SFMBT2: variants seen among roughly 807,000 people sequenced by gnomAD.
The protein encoded by SFMBT2 is Scm like with four mbt domains 2.
A neutral mutation model predicts 110.1 loss-of-function variants in SFMBT2; 38 were observed. The observed-to-expected ratio is 0.35, with a 90% CI of 0.27 to 0.45. The LOEUF (loss-of-function observed/expected upper bound fraction) is 0.45. SFMBT2 is among the 20% of genes least tolerant of loss of function. The pLI is 1.00. For missense variants in SFMBT2, 1,011 were observed against 1,094.9 expected (o/e 0.92, Z 1.08); for synonymous variants, 425 against 425.4 (o/e 1.00, Z 0.01).
At chr10:7,222,092 T>C (rs1157577747) in intron 10 of SFMBT2, among the ~76,000 whole-genome samples, 2 of 152,256 alleles carry the variant, frequency 1.3e-5, no homozygotes, top group African/African-American at 2.4e-5. Context: ...GTCATGTAAA[T>C]GGACTCAATA....
chr10:7,237,540 T>G (rs1429117348), intron 9 of SFMBT2, among the ~76,000 whole-genome samples: 1 of 152,076 alleles, frequency 6.6e-6, no homozygotes, highest in Non-Finnish European at 1.5e-5. Context: ...GCATGTAATC[T>G]TTAGGAGGGT....
chr10:7,354,219 T>C (rs1357674737), intron 4 of SFMBT2, among the ~76,000 whole-genome samples: 1 of 152,170 alleles, frequency 6.6e-6, no homozygotes, highest in African/African-American at 2.4e-5. Flanking sequence ...ATCCAATTTC[T>C]CTGCAACAAC....
chr10:7,200,990 C>T (rs376123717), intron 13 of SFMBT2: 4 of 228,988 alleles, frequency 1.7e-5, no homozygotes, highest in East Asian at 1.8e-4. Flanking sequence ...TAAAATGTAA[C>T]ATAGGCTTAT....
In SFMBT2 at chr10:7,266,686, C is replaced by T. The variant is rs993100705; in HGVS notation, c.870+10206G>A. On this transcript the variant is annotated intron_variant, in intron 7 of 20. Coordinates refer to ENST00000397167, the MANE Select transcript of SFMBT2 (RefSeq NM_001387889.1). ...TCAACAGAAGCCCTCTGGCTGCAGT[C>T]GGGGGACGCAATGACTAGAAGCCAG... 2.0e-5 allele frequency among the ~76,000 whole-genome samples: 3 copies of T among 152,306 alleles called. No individual in the cohort carries two copies. The South Asian group carries it at 6.2e-4, about 32-fold the overall frequency.
At chr10:7,344,674 T>A (rs989275592) in intron 4 of SFMBT2, among the ~76,000 whole-genome samples, 1 of 152,102 alleles carries the variant, frequency 6.6e-6, no homozygotes, top group African/African-American at 2.4e-5. Flanking sequence ...CCCTATTTTT[T>A]AAGAGCTATG....
intron 15 of SFMBT2, among the ~76,000 whole-genome samples, chr10:7,194,465 C>G (rs1838707759): frequency 6.6e-6 from 1 of 152,210 alleles, no homozygotes; most frequent in African/African-American, 2.4e-5. Context: ...ACGTCTATTT[C>G]TGGCAGAACA....
chr10:7,272,500 G>T (rs1399421504), intron 7 of SFMBT2, among the ~76,000 whole-genome samples: 1 of 152,146 alleles, frequency 6.6e-6, no homozygotes, highest in Non-Finnish European at 1.5e-5. Flanking sequence ...ATATAAGCAT[G>T]GGGAGGTGAC....
chr10:7,163,539 G>A lies in SFMBT2; in HGVS notation c.*231C>T. On this transcript the variant is annotated 3_prime_UTR_variant, in exon 21 of 21. Coordinates refer to ENST00000397167, the MANE Select transcript of SFMBT2 (RefSeq NM_001387889.1). The surrounding 1 kb of genome is among the most constrained non-coding windows in gnomAD (Gnocchi z 4.8). ...CAAGAAGCAGGCCCACGTCTGGCAG[G>A]GTCTGATGCATGACTTTAACTGGCA... 1 of 483,594 alleles carries A rather than the reference G, an allele frequency of 2.1e-6. No individual in the cohort carries two copies. The highest frequency in any genetic ancestry group is 3.7e-6 in the Non-Finnish European group (1 of 272,050). 30.0% of individuals were successfully genotyped at this position (483,594 alleles called of 1,614,324 possible). A position where few individuals can be genotyped will look rare whatever the true frequency, so the allele number is the denominator to read the frequency against.
intron 8 of SFMBT2, among the ~76,000 whole-genome samples, chr10:7,244,767 G>A (rs1840555101): frequency 6.6e-6 from 1 of 151,890 alleles, no homozygotes; most frequent in Non-Finnish European, 1.5e-5. Context: ...TTTTTTTTCT[G>A]GAAGCAATTT....
intron 17 of SFMBT2, among the ~76,000 whole-genome samples, chr10:7,173,816 C>G (rs953917997): frequency 6.6e-6 from 1 of 152,166 alleles, no homozygotes; most frequent in Non-Finnish European, 1.5e-5. Context: ...AGCAAAATGG[C>G]AAATGCACCA....
chr10:7,305,501 C>T (rs1434461628), intron 4 of SFMBT2, among the ~76,000 whole-genome samples: 2 of 152,194 alleles, frequency 1.3e-5, no homozygotes, highest in South Asian at 2.1e-4. Flanking sequence ...CTGTCTCTGA[C>T]TTGCGTAGTA....
In SFMBT2 at chr10:7,171,479, G is replaced by C. The variant is rs1254941464; in HGVS notation, c.2415+416C>G. The stretch of plus-strand genomic sequence containing the variant: ...TGATCTCACACCACCCATGGGGCTA[G>C]GGGAGACCTGAAACACTGATTAAAT... On this transcript the variant is annotated intron_variant, in intron 19 of 20. Coordinates refer to ENST00000397167, the MANE Select transcript of SFMBT2 (RefSeq NM_001387889.1). This position sits in a 1 kb window ranked among gnomAD's most constrained non-coding sequence, Gnocchi z 4.9. The C allele has an allele frequency of 1.0e-6, 1 of 985,266 alleles. No homozygotes were observed. The highest frequency in any genetic ancestry group is 1.1e-4 in the East Asian group (1 of 8,822). 61.0% of individuals were successfully genotyped at this position (985,266 alleles called of 1,614,324 possible).
At chr10:7,177,362 C>G (rs931915945) in intron 16 of SFMBT2, among the ~76,000 whole-genome samples, 1 of 152,148 alleles carries the variant, frequency 6.6e-6, no homozygotes, top group Non-Finnish European at 1.5e-5. Flanking sequence ...CCCCGCCCCC[C>G]GCAAAAAGCG....
intron 16 of SFMBT2, among the ~76,000 whole-genome samples, chr10:7,186,625 G>C (rs1838421263): frequency 6.6e-6 from 1 of 152,040 alleles, no homozygotes; most frequent in South Asian, 2.1e-4. Context: ...CAAATGTCTT[G>C]AATGTGAGTC....
chr10:7,374,269 C>T (rs541254130), intron 2 of SFMBT2, among the ~76,000 whole-genome samples: 21 of 151,800 alleles, frequency 1.4e-4, no homozygotes, highest in Admixed American at 2.0e-4. Context: ...CTCAACAAAA[C>T]AAAACAAAAA....
At position 7,170,853 on chromosome 10, in the gene SFMBT2, C is replaced by T. The variant is rs772532896; in HGVS notation, c.2544+75G>A. Reference sequence around the variant, plus strand: ...CCCCTCGCAGGTGTCACGAGGAAGCCGGCTAGGACACGAGGTTCATTTCAG... The same window carrying T: ...CCCCTCGCAGGTGTCACGAGGAAGCTGGCTAGGACACGAGGTTCATTTCAG... On this transcript the variant is annotated intron_variant, in intron 20 of 20. Transcript: ENST00000397167. This position sits in a 1 kb window ranked among gnomAD's most constrained non-coding sequence, Gnocchi z 4.6. 2.7e-5 allele frequency: 43 copies of T among 1,586,830 alleles called. No individual in the cohort carries two copies. The highest frequency in any genetic ancestry group is 1.9e-4 in the Admixed American group (11 of 58,924).
chr10:7,305,578 A>G (rs1842669919), intron 4 of SFMBT2, among the ~76,000 whole-genome samples: 1 of 152,240 alleles, frequency 6.6e-6, no homozygotes, highest in South Asian at 2.1e-4. Flanking sequence ...GGAAACAGGA[A>G]AATTGATCCC....
At chr10:7,281,269 G>A (rs1249211544) in intron 6 of SFMBT2, among the ~76,000 whole-genome samples, 2 of 152,038 alleles carry the variant, frequency 1.3e-5, no homozygotes, top group East Asian at 3.9e-4. Flanking sequence ...TAAATAGTAA[G>A]TAAAACTAAA....
intron 4 of SFMBT2, among the ~76,000 whole-genome samples, chr10:7,353,055 G>A (rs1446989169): frequency 1.3e-5 from 2 of 151,832 alleles, no homozygotes; most frequent in Non-Finnish European, 2.9e-5. Flanking sequence ...TAAGTACACT[G>A]GGGGCCACCA....
Sources: allele counts gnomAD v4.1 joint callset (sites outside exome capture counted in the v4.1 genomes callset), GRCh38; gene constraint gnomAD v4.1.1; non-coding constraint Gnocchi (gnomAD v3.1); transcripts MANE v1.5; gene names NCBI Gene and HGNC (gene_info 2026-07-23, HGNC 2026-07-21).